Variants in IQUB observed in about 807,000 individuals in gnomAD.
The protein encoded by IQUB is IQ motif and ubiquitin-like domain-containing protein.
IQUB carries 86 observed loss-of-function variants against 86.4 expected under a neutral mutation model. That is an observed-to-expected ratio of 1.00 (90% CI 0.84 to 1.19). The LOEUF (loss-of-function observed/expected upper bound fraction) is 1.19, where lower values mean the gene tolerates loss of function less well. IQUB is among the 50% of genes most tolerant of loss of function. The probability of loss-of-function intolerance (pLI) is 0.00; values close to 1 mark genes in which losing one functional copy is unlikely to be tolerated. For synonymous variants in IQUB, 289 were observed against 304.5 expected (o/e 0.95, Z 0.53); for missense variants, 946 against 916.9 (o/e 1.03, Z -0.41).
intron 1 of IQUB, among the ~76,000 whole-genome samples, chr7:123,529,092 G>C (rs1797398244): frequency 6.6e-6 from 1 of 152,034 alleles, no homozygotes; most frequent in African/African-American, 2.4e-5. Flanking sequence ...TTTTAAGAGA[G>C]TAATATGTGC....
At chr7:123,516,892 C>T (rs1281297358) in intron 1 of IQUB, among the ~76,000 whole-genome samples, 3 of 152,076 alleles carry the variant, frequency 2.0e-5, no homozygotes, top group Non-Finnish European at 4.4e-5. Flanking sequence ...AGATTTCATC[C>T]TACCTACAAG....
Position 123,512,043 on chromosome 7 carries a change from C to A in IQUB, c.298G>T (p.Ala100Ser). Residue 100 changes from alanine to serine, a missense_variant, in exon 2 of 13, where the codon GCA becomes TCA. Ala to Ser is a moderately conservative substitution (Grantham distance 99). Transcript: ENST00000324698. ...YTPQHHEKQY[A>S]MQRPNDDSLA... is the part of the protein sequence containing the mutation. ...CTATCATCATTTGGCCTCTGCATTG[C>A]ATATTGCTTTTCATGATGTTGCGGA... 5 of 1,613,754 alleles carry A rather than the reference C, an allele frequency of 3.1e-6. No homozygotes were observed. Among genetic ancestry groups the A allele is most frequent in the Non-Finnish European group, 4.2e-6 (5 of 1,179,698 alleles).
chr7:123,476,675 T>G (rs1346156217), intron 8 of IQUB, among the ~76,000 whole-genome samples: 3 of 149,988 alleles, frequency 2.0e-5, no homozygotes, highest in Non-Finnish European at 4.4e-5. Flanking sequence ...AAATCCAGAT[T>G]CAATTATGTC....
intron 7 of IQUB, among the ~76,000 whole-genome samples, chr7:123,483,953 T>A (rs1043628219): frequency 6.6e-6 from 1 of 152,090 alleles, no homozygotes; most frequent in African/African-American, 2.4e-5. Context: ...AAAATCAGTC[T>A]CTATGCATTA....
At chr7:123,519,112 A>G (rs1191675757) in intron 1 of IQUB, among the ~76,000 whole-genome samples, 1 of 152,190 alleles carries the variant, frequency 6.6e-6, no homozygotes, top group Non-Finnish European at 1.5e-5. Context: ...ACAATAAGAC[A>G]TCATCTCACC....
chr7:123,486,727 C>T (rs1795226345), intron 7 of IQUB, among the ~76,000 whole-genome samples: 1 of 152,022 alleles, frequency 6.6e-6, no homozygotes, highest in Admixed American at 6.6e-5. Context: ...ATTTAATTTG[C>T]CCTTTACTCT....
intron 1 of IQUB, among the ~76,000 whole-genome samples, chr7:123,526,472 T>C (rs1797213683): frequency 1.3e-5 from 2 of 152,214 alleles, no homozygotes; most frequent in African/African-American, 2.4e-5. Flanking sequence ...TTGTATCTTT[T>C]GATCTTTGTT....
chr7:123,452,796 A>ACTT lies in IQUB; in HGVS notation c.2320_2322dup (p.Lys774dup), dbSNP rs774287380. The ACTT allele has an allele frequency of 5.6e-6, 9 of 1,613,718 alleles. No individual in the cohort carries two copies. The highest frequency in any genetic ancestry group is 1.7e-4 in the Middle Eastern group (1 of 6,058). On this transcript the variant is annotated inframe_insertion, in exon 13 of 13. Coordinates refer to ENST00000324698, the MANE Select transcript of IQUB (RefSeq NM_178827.5). The stretch of plus-strand genomic sequence containing the variant: ...ATCTTAGGTGTTGTGTCTGAGTGAT[A>ACTT]CTTCCATCTGATCTCATCAATTTCA...
chr7:123,519,796 G>A (rs1796822548), intron 1 of IQUB, among the ~76,000 whole-genome samples: 4 of 151,956 alleles, frequency 2.6e-5, no homozygotes, highest in African/African-American at 7.3e-5. Flanking sequence ...GAAAAGTTTT[G>A]GAATATTCCC....
At chr7:123,511,721 A>G (rs1796421023) in intron 2 of IQUB, among the ~76,000 whole-genome samples, 1 of 152,248 alleles carries the variant, frequency 6.6e-6, no homozygotes, top group Non-Finnish European at 1.5e-5. Context: ...TTTTAAATTT[A>G]ATGATGCTCA....
At position 123,503,426 on chromosome 7, in the gene IQUB, ATTTT is replaced by A. The variant is rs975826430; in HGVS notation, c.533-67_533-64del. On this transcript the variant is annotated intron_variant, in intron 3 of 12. Transcript: ENST00000324698. ...AAAGAAATGGCTATTCATTGATCTTATTTTTTGTTTTTAATTGACAAATAAAAAT... is the reference window on the plus strand; with the variant it reads ...AAAGAAATGGCTATTCATTGATCTTATTGTTTTTAATTGACAAATAAAAAT... 157 of 891,378 alleles carry A rather than the reference ATTTT, an allele frequency of 1.8e-4. 1 individual carries two copies. The highest frequency in any genetic ancestry group is 1.4e-3 in the Middle Eastern group (4 of 2,840). The allele number at this position is 891,378 out of a possible 1,614,324, so 55.2% of individuals were successfully genotyped here.
intron 7 of IQUB, among the ~76,000 whole-genome samples, chr7:123,495,205 G>C (rs1241301995): frequency 1.3e-5 from 2 of 151,980 alleles, no homozygotes; most frequent in Non-Finnish European, 2.9e-5. Flanking sequence ...CAATTCTAGG[G>C]AGCAGGCTTA....
At position 123,512,092 on chromosome 7, in the gene IQUB, T is replaced by C. The variant is rs1796441903; in HGVS notation, c.249A>G (p.Ile83Met). ...GAGTATATGAAACTTGTCTTGGTGA[T>C]ATAACCTCTTCCATGAGTTGTTCAT... ...PDNEQLMEEV[I>M]SPRQVSYTPQ... Residue 83 changes from isoleucine to methionine, a missense_variant, in exon 2 of 13, where the codon ATA (isoleucine) becomes ATG (methionine). Coordinates refer to ENST00000324698, the MANE Select transcript of IQUB (RefSeq NM_178827.5). The C allele has an allele frequency of 1.9e-6, 3 of 1,614,074 alleles. No homozygotes were observed. In the East Asian group the frequency reaches 6.7e-5, roughly 36 times the overall value.
intron 10 of IQUB, chr7:123,462,879 A>ATGAC (rs1794067445): frequency 2.2e-6 from 1 of 453,968 alleles, no homozygotes; most frequent in Non-Finnish European, 4.4e-6. Context: ...TATGATTATG[A>ATGAC]TGACAGAGGG....
chr7:123,473,887 G>A (rs1266953583), intron 8 of IQUB, among the ~76,000 whole-genome samples: 1 of 151,926 alleles, frequency 6.6e-6, no homozygotes, highest in African/African-American at 2.4e-5. Flanking sequence ...GCCCAGCCAA[G>A]TTTTTAATAT....
intron 1 of IQUB, among the ~76,000 whole-genome samples, chr7:123,528,919 G>T (rs191477245): frequency 2.0e-5 from 3 of 152,144 alleles, no homozygotes; most frequent in African/African-American, 7.2e-5. Context: ...ATACATATGT[G>T]TAAACTCTCA....
chr7:123,503,107 T>C lies in IQUB; in HGVS notation c.704A>G (p.Gln235Arg), dbSNP rs146361404. ...AATCTCAACAGGTACCTGCTGGTATTGATCAAGTCCTGAGAGATAACACCA... is the reference window on the plus strand; with the variant it reads ...AATCTCAACAGGTACCTGCTGGTATCGATCAAGTCCTGAGAGATAACACCA... ...ITVTVQTGLD[Q>R]YQQVPVEIVK... The change falls in exon 5 of 13, where the codon CAA (glutamine) becomes CGA (arginine). Residue 235 changes from glutamine to arginine, a missense_variant. By Grantham distance (43) the Gln-to-Arg change is conservative. Transcript: ENST00000324698. 2.6e-3 allele frequency: 4,227 copies of C among 1,612,536 alleles called. 5 individuals carry two copies. Among genetic ancestry groups the C allele is most frequent in the Admixed American group, 5.3e-3 (319 of 59,790 alleles).
In IQUB at chr7:123,502,721, GT is replaced by G. The variant is rs746836419; in HGVS notation, c.898del (p.Thr300LeufsTer9). 21 of 1,603,646 alleles carry G rather than the reference GT, an allele frequency of 1.3e-5. No individual in the cohort carries two copies. The South Asian group carries it at 2.4e-4, about 18-fold the overall frequency. ...CATCTGTGTGGATGTTGTATTTGTAGTTTGTTGGAGATTTTTTTTCTGAAAA... is the reference window on the plus strand; with the variant it reads ...CATCTGTGTGGATGTTGTATTTGTAGTTGTTGGAGATTTTTTTTCTGAAAA... ...TVFQKKNLQQTTNTTSTQMTN... is the reference protein window; with the variant it reads ...TVFQKKNLQQXTNTTSTQMTN... On this transcript the variant is annotated frameshift_variant, in exon 6 of 13. Transcript: ENST00000324698. LOFTEE classifies it high-confidence loss of function.
intron 10 of IQUB, chr7:123,462,695 A>ATGAT (rs1584550244): frequency 6.3e-6 from 2 of 315,548 alleles, no homozygotes; most frequent in Admixed American, 3.6e-5. Context: ...TTTATCTTGA[A>ATGAT]TGATTATTTT....
Sources: allele counts gnomAD v4.1 joint callset (sites outside exome capture counted in the v4.1 genomes callset), GRCh38; gene constraint gnomAD v4.1.1; transcripts MANE v1.5; gene names NCBI Gene and HGNC (gene_info 2026-07-23, HGNC 2026-07-21).